Variants in ARHGEF10 observed in about 807,000 individuals in gnomAD.
ARHGEF10 encodes Rho guanine nucleotide exchange factor (GEF) 10.
Under a neutral mutation model 147.4 loss-of-function variants are expected in ARHGEF10, and 140 were observed. The observed-to-expected ratio is 0.95, with a 90% CI of 0.83 to 1.09. The LOEUF (loss-of-function observed/expected upper bound fraction) is 1.09. Among genes scored for constraint, ARHGEF10 ranks in the 50% least tolerant of loss-of-function variants. The probability of loss-of-function intolerance (pLI) is 0.00; values close to 1 mark genes in which losing one functional copy is unlikely to be tolerated. For missense variants in ARHGEF10, 2,222 were observed against 1,752.7 expected, an observed-to-expected ratio of 1.27 and a Z score of -4.78; for synonymous variants, 902 against 695.8, an observed-to-expected ratio of 1.30 and a Z score of -4.67.
intron 9 of ARHGEF10, among the ~76,000 whole-genome samples, chr8:1,881,524 A>G (rs1808193153): frequency 6.6e-6 from 1 of 152,160 alleles, no homozygotes; most frequent in Admixed American, 6.5e-5. Flanking sequence ...GCAGCAGGAC[A>G]TGGTCCCATG....
intron 2 of ARHGEF10, 77 bp from the exon 3 acceptor site, chr8:1,857,883 T>A (rs560936971): frequency 1.6e-6 from 1 of 608,434 alleles, no homozygotes; most frequent in African/African-American, 2.8e-5. Context: ...TCGATCGATC[T>A]ATCTATCTAT....
chr8:1,900,752 A>G (rs1168533407), intron 15 of ARHGEF10, among the ~76,000 whole-genome samples: 1 of 152,206 alleles, frequency 6.6e-6, no homozygotes, highest in Non-Finnish European at 1.5e-5. Flanking sequence ...GGGTGTCAAA[A>G]GACTTGCACT....
rs770934547 is a variant in ARHGEF10, at chr8:1,860,124, C to G, written c.421C>G (p.Leu141Val). The part of the protein sequence containing the change: ...CGYAVPSNLP[L>V]LLPAYSSPVI... ...CTATGCGGTGCCCTCCAACCTGCCC[C>G]TCCTGCTGCCCGCCTACTCCAGCCC... The change falls in exon 4 of 29, where the codon CTC (leucine) becomes GTC (valine). Residue 141 changes from leucine (L) to valine (V), a missense_variant. By Grantham distance (32) the Leu-to-Val change is conservative. Coordinates refer to ENST00000349830, the MANE Select transcript of ARHGEF10 (RefSeq NM_014629.4). 15 of 1,614,080 alleles carry G rather than the reference C, an allele frequency of 9.3e-6. No individual in the cohort carries two copies. The highest frequency in any genetic ancestry group is 8.5e-6 in the Non-Finnish European group (10 of 1,180,002).
chr8:1,841,139 C>G (rs938560527), intron 1 of ARHGEF10, among the ~76,000 whole-genome samples: 1 of 152,250 alleles, frequency 6.6e-6, no homozygotes, highest in Non-Finnish European at 1.5e-5. Flanking sequence ...CAGCTGCCCT[C>G]TGCTGTAGCC....
At chr8:1,903,041 G>A (rs576649977) in intron 15 of ARHGEF10, among the ~76,000 whole-genome samples, 7 of 152,308 alleles carry the variant, frequency 4.6e-5, no homozygotes, top group African/African-American at 9.6e-5. Context: ...CATATTTAGC[G>A]TGTCCTTTAT....
At chr8:1,914,308 T>C (rs1317243891) in intron 18 of ARHGEF10, among the ~76,000 whole-genome samples, 1 of 152,162 alleles carries the variant, frequency 6.6e-6, no homozygotes, top group African/African-American at 2.4e-5. Flanking sequence ...GGCCGTTCTG[T>C]GGAGGCACGG....
intron 18 of ARHGEF10, among the ~76,000 whole-genome samples, chr8:1,919,778 G>T (rs969667477): frequency 2.0e-4 from 30 of 149,974 alleles, no homozygotes; most frequent in Non-Finnish European, 4.1e-4. Flanking sequence ...CTGTTCTATG[G>T]GTGATGGAGC....
At chr8:1,851,372 T>C (rs1213377141) in intron 2 of ARHGEF10, among the ~76,000 whole-genome samples, 1 of 98,602 alleles carries the variant, frequency 1.0e-5, no homozygotes, top group African/African-American at 4.3e-5. Context: ...ACATACCTCA[T>C]TGTTGGCTCC....
chr8:1,839,872 G>C (rs1221715922), intron 1 of ARHGEF10, among the ~76,000 whole-genome samples: 2 of 147,158 alleles, frequency 1.4e-5, no homozygotes, highest in South Asian at 2.2e-4. Context: ...GGGACTGTCT[G>C]GTGTGGAAAC....
At chr8:1,951,851 C>T (rs1249236122) in intron 27 of ARHGEF10, among the ~76,000 whole-genome samples, 2 of 151,302 alleles carry the variant, frequency 1.3e-5, no homozygotes, top group Non-Finnish European at 3.0e-5. Flanking sequence ...CACAGTGAGG[C>T]GGGGTCTTTG....
At chr8:1,893,820 T>G (rs761207465) in intron 12 of ARHGEF10, among the ~76,000 whole-genome samples, 174 bp downstream of exon 12, 13 of 152,188 alleles carry the variant, frequency 8.5e-5, no homozygotes, top group Non-Finnish European at 1.3e-4. Flanking sequence ...AAAGTCATGA[T>G]TTATGTTGAA....
intron 8 of ARHGEF10, among the ~76,000 whole-genome samples, chr8:1,877,240 T>G (rs1807786742): frequency 6.6e-6 from 1 of 152,228 alleles, no homozygotes; most frequent in Non-Finnish European, 1.5e-5. Context: ...TCTTTTTCTT[T>G]TTTTTGAGAT....
intron 27 of ARHGEF10, among the ~76,000 whole-genome samples, chr8:1,952,383 G>C (rs916805095): frequency 2.0e-5 from 3 of 152,250 alleles, no homozygotes; most frequent in Admixed American, 6.5e-5. Flanking sequence ...AGAAGCAAAA[G>C]GTTTAGACAG....
intron 11 of ARHGEF10, among the ~76,000 whole-genome samples, chr8:1,886,307 T>C (rs1355809578): frequency 6.6e-6 from 1 of 152,126 alleles, no homozygotes; most frequent in Non-Finnish European, 1.5e-5. Flanking sequence ...TGATGGGAGT[T>C]GTTTCCCACA....
intron 25 of ARHGEF10, among the ~76,000 whole-genome samples, chr8:1,931,087 G>C (rs1001869152): frequency 6.6e-6 from 1 of 152,172 alleles, no homozygotes; most frequent in Admixed American, 6.5e-5. Flanking sequence ...TTCACCTGTT[G>C]TCATAACCTC....
chr8:1,833,938 C>T (rs1159697711), intron 1 of ARHGEF10, among the ~76,000 whole-genome samples: 3 of 152,282 alleles, frequency 2.0e-5, no homozygotes, highest in East Asian at 3.9e-4. Context: ...CTGCTGGGAG[C>T]CCCCCAATGA....
chr8:1,884,576 G>C (rs1383344923), intron 10 of ARHGEF10, among the ~76,000 whole-genome samples: 2 of 152,118 alleles, frequency 1.3e-5, no homozygotes, highest in Non-Finnish European at 2.9e-5. Context: ...TGATCTCTGA[G>C]GGAAAAGTCT....
chr8:1,874,368 G>A (rs576205487), intron 7 of ARHGEF10, among the ~76,000 whole-genome samples: 3 of 152,274 alleles, frequency 2.0e-5, no homozygotes, highest in Admixed American at 6.5e-5. Flanking sequence ...TGAGAGAGCT[G>A]GATTGATTGA....
At position 1,945,607 on chromosome 8, in the gene ARHGEF10, C is replaced by A. The variant is rs1006898043; in HGVS notation, c.3349C>A (p.His1117Asn). ...CCTTTTTCACACGGAAACTCTCAAG[C>A]ACCTGCAGGACATCAACATCGCCAC... ...LRLFHTETLK[H>N]LQDINIATPV... is the part of the protein sequence containing the mutation. Residue 1117 changes from histidine to asparagine, a missense_variant, in exon 27 of 29, where the codon CAC (histidine) becomes AAC (asparagine). His to Asn is a moderately conservative substitution (Grantham distance 68). Transcript: ENST00000349830. 6.8e-6 allele frequency: 11 copies of A among 1,614,134 alleles called. No homozygotes were observed. The highest frequency in any genetic ancestry group is 5.0e-5 in the Admixed American group (3 of 60,012).
Sources: gnomAD v4.1 joint callset for allele counts (sites outside exome capture counted in the v4.1 genomes callset) on GRCh38, gnomAD v4.1.1 for gene constraint, MANE v1.5 for transcripts, NCBI Gene and HGNC (gene_info 2026-07-23, HGNC 2026-07-21) for gene names.